KCNQ3: variants seen among roughly 807,000 people sequenced by gnomAD.
The protein encoded by KCNQ3 is potassium voltage-gated channel subfamily Q member 3.
In KCNQ3, 30 loss-of-function variants were observed where a neutral mutation model predicts 92.5. The observed-to-expected ratio is 0.32, with a 90% CI of 0.24 to 0.44. The LOEUF (loss-of-function observed/expected upper bound fraction) is 0.44. Ranked by LOEUF, KCNQ3 falls within the 20% of genes least tolerant of loss-of-function variation. The pLI is 1.00. For missense variants in KCNQ3, 913 were observed against 1,140.3 expected, an observed-to-expected ratio of 0.80 and a Z score of 2.87; for synonymous variants, 450 against 468.8, an observed-to-expected ratio of 0.96 and a Z score of 0.52.
intron 1 of KCNQ3, among the ~76,000 whole-genome samples, chr8:132,282,312 C>CA (rs1816545489): frequency 6.6e-6 from 1 of 152,188 alleles, no homozygotes; most frequent in African/African-American, 2.4e-5. Context: ...TAAAAAGAGC[C>CA]ATGTCCTTCT....
intron 1 of KCNQ3, among the ~76,000 whole-genome samples, chr8:132,295,146 A>G (rs1484511534): frequency 6.6e-6 from 1 of 152,236 alleles, no homozygotes; most frequent in Non-Finnish European, 1.5e-5. Flanking sequence ...CATCTGACAA[A>G]GGTCTAATAT....
At chr8:132,251,735 G>A (rs543191696) in intron 1 of KCNQ3, among the ~76,000 whole-genome samples, 3 of 152,308 alleles carry the variant, frequency 2.0e-5, no homozygotes, top group Non-Finnish European at 2.9e-5. Context: ...CTTTCTGGAA[G>A]AAGGCCTCCT....
At chr8:132,343,214 C>T (rs1338354424) in intron 1 of KCNQ3, among the ~76,000 whole-genome samples, 2 of 152,246 alleles carry the variant, frequency 1.3e-5, no homozygotes, top group Non-Finnish European at 2.9e-5. Flanking sequence ...CATCCATGCA[C>T]TCACCATGTC....
At chr8:132,299,407 G>A (rs540799838) in intron 1 of KCNQ3, among the ~76,000 whole-genome samples, 31 of 152,230 alleles carry the variant, frequency 2.0e-4, no homozygotes, top group Non-Finnish European at 4.0e-4. Context: ...TGTTTTCAGA[G>A]CATTTGTATT....
In KCNQ3 at chr8:132,480,412, G is replaced by C. The variant is rs568033682; in HGVS notation, c.121C>G (p.Arg41Gly). 2.0e-6 allele frequency: 3 copies of C among 1,496,940 alleles called. No individual in the cohort carries two copies. Among genetic ancestry groups the C allele is most frequent in the Admixed American group, 4.0e-5 (2 of 50,426 alleles). 92.7% of individuals were successfully genotyped at this position (1,496,940 alleles called of 1,614,324 possible). Reference sequence around the variant, plus strand: ...TCGCCGGGCGCCAGCCCCACTTTCCGCTCCTCGTCGCCGGCCGCCGCCGCG... The same window carrying C: ...TCGCCGGGCGCCAGCCCCACTTTCCCCTCCTCGTCGCCGGCCGCCGCCGCG... ...GDAAAAGDEE[R>G]KVGLAPGDVE... Residue 41 changes from arginine to glycine, a missense_variant, in exon 1 of 15, where the codon CGG (arginine) becomes GGG (glycine). Arg to Gly is a moderately radical substitution (Grantham distance 125, BLOSUM62 -2). Transcript: ENST00000388996.
At chr8:132,208,179 C>T (rs992200433) in intron 1 of KCNQ3, among the ~76,000 whole-genome samples, 20 of 152,056 alleles carry the variant, frequency 1.3e-4, no homozygotes, top group African/African-American at 4.8e-4. Context: ...CAGAGGTGAC[C>T]CAAGAATCAG....
In KCNQ3 at chr8:132,368,001, T is replaced by C. The variant is rs139335841; in HGVS notation, c.386+112146A>G. 4.2e-4 allele frequency among the ~76,000 whole-genome samples: 64 copies of C among 152,198 alleles called. No individual in the cohort carries two copies. In the East Asian group the frequency reaches 0.012, roughly 28 times the overall value. ...TGATGCAGGAATATACTGCACCATC[T>C]AGAAAGGGAAACAATACCACCTTCT... On this transcript the variant is annotated intron_variant, in intron 1 of 14. Transcript: ENST00000388996.
chr8:132,282,094 T>C (rs1250700361), intron 1 of KCNQ3, among the ~76,000 whole-genome samples: 2 of 152,200 alleles, frequency 1.3e-5, no homozygotes, highest in Non-Finnish European at 2.9e-5. Context: ...TAAAGCATCC[T>C]ATACCCAAAG....
intron 1 of KCNQ3, among the ~76,000 whole-genome samples, chr8:132,253,010 C>A (rs60346060): frequency 0.034 from 5,238 of 152,264 alleles, 326 homozygotes; most frequent in African/African-American, 0.12. Context: ...ATCAGTAGAA[C>A]ATTTCCACCA....
intron 1 of KCNQ3, among the ~76,000 whole-genome samples, chr8:132,200,032 C>A (rs1827412307): frequency 6.6e-6 from 1 of 151,910 alleles, no homozygotes; most frequent in South Asian, 2.1e-4. Flanking sequence ...TAGAAAATAC[C>A]CCAAAATTGA....
chr8:132,180,208 C>G lies in KCNQ3; in HGVS notation c.726G>C (p.Arg242=). ...LQILRMLRMD[R]RGGTWKLLGS... ...CCAGAAGCTTCCAGGTGCCACCTCT[C>G]CGGTCCATCCGCAGCATGCGCAGGA... The change falls in exon 4 of 15, where the codon CGG becomes CGC. Residue 242 remains arginine (R), a synonymous_variant. Coordinates refer to ENST00000388996, the MANE Select transcript of KCNQ3 (RefSeq NM_004519.4). The G allele has an allele frequency of 6.2e-7, 1 of 1,614,192 alleles. No homozygotes were observed. Among genetic ancestry groups the G allele is most frequent in the East Asian group, 2.2e-5 (1 of 44,876 alleles).
chr8:132,458,856 A>T (rs1237424725), intron 1 of KCNQ3, among the ~76,000 whole-genome samples: 1 of 152,254 alleles, frequency 6.6e-6, no homozygotes, highest in Non-Finnish European at 1.5e-5. Flanking sequence ...CATTAGTATG[A>T]TACATTTGTT....
At chr8:132,192,952 C>T (rs899895539) in intron 1 of KCNQ3, among the ~76,000 whole-genome samples, 1 of 152,160 alleles carries the variant, frequency 6.6e-6, no homozygotes, top group African/African-American at 2.4e-5. Flanking sequence ...CGGTCTTTCT[C>T]TATAGTCTTG....
At chr8:132,189,018 C>G (rs1245324038) in intron 1 of KCNQ3, among the ~76,000 whole-genome samples, 4 of 152,188 alleles carry the variant, frequency 2.6e-5, no homozygotes, top group Non-Finnish European at 4.4e-5. Context: ...TTTTTCTTAA[C>G]AAGGGATGTG....
In KCNQ3 at chr8:132,129,906, G is replaced by A. The variant is rs2130924125; in HGVS notation, c.1975C>T (p.Pro659Ser). ...RLQVQVTEYYPTKGTSSPAEA... is the reference protein window; with the variant it reads ...RLQVQVTEYYSTKGTSSPAEA... ...GCTGGCGAGGAGGTGCCCTTGGTTGGGTAATACTCCGTGACCTGCACCTGC... is the reference window on the plus strand; with the variant it reads ...GCTGGCGAGGAGGTGCCCTTGGTTGAGTAATACTCCGTGACCTGCACCTGC... The change falls in exon 15 of 15, where the codon CCA becomes TCA. Residue 659 changes from proline to serine, a missense_variant. By Grantham distance (74) the Pro-to-Ser change is moderately conservative. Around this residue, in one of 6 missense-constraint regions of KCNQ3, gnomAD observed 375 missense variants for 376.4 expected, o/e 1.00. Transcript: ENST00000388996. This position sits in a 1 kb window ranked among gnomAD's most constrained non-coding sequence, Gnocchi z 5.9. 1 of 1,613,998 alleles carries A rather than the reference G, an allele frequency of 6.2e-7. No homozygotes were observed. Among genetic ancestry groups the A allele is most frequent in the Non-Finnish European group, 8.5e-7 (1 of 1,180,022 alleles).
intron 1 of KCNQ3, among the ~76,000 whole-genome samples, chr8:132,479,329 C>T (rs946716738): frequency 2.0e-5 from 3 of 152,168 alleles, no homozygotes; most frequent in Non-Finnish European, 4.4e-5. Context: ...GGCCAAGCCC[C>T]TCACATTCCC....
chr8:132,388,227 G>C (rs139057252), intron 1 of KCNQ3, among the ~76,000 whole-genome samples: 3 of 152,108 alleles, frequency 2.0e-5, no homozygotes, highest in African/African-American at 7.2e-5. Context: ...AGGCATAGTC[G>C]TTGTTTGCTC....
chr8:132,186,157 C>T lies in KCNQ3; in HGVS notation c.411G>A (p.Leu137=). 6.2e-7 allele frequency: 1 copy of T among 1,613,794 alleles called. No individual in the cohort carries two copies. The highest frequency in any genetic ancestry group is 8.5e-7 in the Non-Finnish European group (1 of 1,179,696). ...ALVFLIVLGC[L]ILAVLTTFKE... ...TGAATGTGGTCAGGACAGCCAGAATCAAGCACCCCAGGACAATCAGGAACC... is the reference window on the plus strand; with the variant it reads ...TGAATGTGGTCAGGACAGCCAGAATTAAGCACCCCAGGACAATCAGGAACC... Residue 137 remains leucine (L), a synonymous_variant, in exon 2 of 15, where the codon TTG becomes TTA. Transcript: ENST00000388996.
chr8:132,250,950 A>G (rs1484962089), intron 1 of KCNQ3, among the ~76,000 whole-genome samples: 1 of 152,198 alleles, frequency 6.6e-6, no homozygotes, highest in Non-Finnish European at 1.5e-5. Context: ...TAGACCAGAT[A>G]AGATCATTAG....
Sources: gnomAD v4.1 joint callset for allele counts (sites outside exome capture counted in the v4.1 genomes callset) on GRCh38, gnomAD v4.1.1 for gene constraint, gnomAD v4.1.1 regional missense constraint, Gnocchi (gnomAD v3.1) non-coding constraint, MANE v1.5 for transcripts, NCBI Gene and HGNC (gene_info 2026-07-23, HGNC 2026-07-21) for gene names.